MCFD2: variants seen among roughly 807,000 people sequenced by gnomAD.
The protein encoded by MCFD2 is multiple coagulation factor deficiency 2, ER cargo receptor complex subunit, also known as multiple coagulation factor deficiency protein 2.
In MCFD2, 11 loss-of-function variants were observed where a neutral mutation model predicts 12.8. The observed-to-expected ratio is 0.86, with a 90% CI of 0.54 to 1.42. The LOEUF is 1.42. Ranked by LOEUF, MCFD2 falls within the 40% of genes most tolerant of loss-of-function variation. MCFD2 has a pLI of 0.00. For synonymous variants in MCFD2, 70 were observed against 68.1 expected (o/e 1.03, Z -0.14); for missense variants, 191 against 178.6 (o/e 1.07, Z -0.40).
At position 46,909,056 on chromosome 2, in the gene MCFD2, A is replaced by G; in HGVS notation, c.116T>C (p.Met39Thr). ...PAASFSQPGS[M>T]GLDKNTVHDQ... ...GTGCACTGTGTTCTTATCCAGGCCC[A>G]TGCTGCCGGGTTGGGAGAAGCTGGC... Residue 39 changes from methionine (M) to threonine (T), a missense_variant, in exon 2 of 4, where the codon ATG becomes ACG. Coordinates refer to ENST00000319466, the MANE Select transcript of MCFD2 (RefSeq NM_139279.6). 6.2e-7 allele frequency: 1 copy of G among 1,614,216 alleles called. No homozygotes were observed. Among genetic ancestry groups the G allele is most frequent in the South Asian group, 1.1e-5 (1 of 91,084 alleles).
chr2:46,927,884 GTTTTTTTTTTTT>G (rs566447236), intron 1 of MCFD2, among the ~76,000 whole-genome samples: 5 of 73,306 alleles, frequency 6.8e-5, no homozygotes, highest in East Asian at 3.8e-4. Flanking sequence ...TTTTTTTGGT[GTTTTTTTTTTTT>G]TTTTTTTTTT....
chr2:46,930,157 T>C (rs958604852), intron 1 of MCFD2, among the ~76,000 whole-genome samples: 1 of 152,096 alleles, frequency 6.6e-6, no homozygotes, highest in Admixed American at 6.6e-5. Context: ...AATGAAATAA[T>C]AAAGATAACA....
intron 1 of MCFD2, among the ~76,000 whole-genome samples, chr2:46,921,412 G>A (rs1572633620): frequency 6.6e-6 from 1 of 152,140 alleles, no homozygotes; most frequent in African/African-American, 2.4e-5. Flanking sequence ...TAGCATCCCA[G>A]AACATGAAAT....
chr2:46,931,905 A>C (rs72806517), intron 1 of MCFD2, among the ~76,000 whole-genome samples: 300 of 152,312 alleles, frequency 2.0e-3, no homozygotes, highest in Middle Eastern at 3.4e-3. Flanking sequence ...AAGCAATAGG[A>C]AATTAATACA....
Position 46,905,429 on chromosome 2 carries a change from A to G in MCFD2, c.*34T>C, listed in dbSNP as rs373036686. The G allele has an allele frequency of 1.2e-6, 2 of 1,611,128 alleles. No homozygotes were observed. The highest frequency in any genetic ancestry group is 1.7e-6 in the Non-Finnish European group (2 of 1,179,156). On this transcript the variant is annotated 3_prime_UTR_variant, in exon 4 of 4. Coordinates refer to ENST00000319466, the MANE Select transcript of MCFD2 (RefSeq NM_139279.6). The stretch of plus-strand genomic sequence containing the variant: ...GTTCAATCACATTATCACGGGTCAC[A>G]TTTGTATATAACCAGGAGATGGCCA...
At chr2:46,923,591 T>G (rs1026273863) in intron 1 of MCFD2, among the ~76,000 whole-genome samples, 1 of 152,172 alleles carries the variant, frequency 6.6e-6, no homozygotes, top group African/African-American at 2.4e-5. Flanking sequence ...TGTTGCAGTC[T>G]CCATTAAAAC....
In MCFD2 at chr2:46,905,360, G is replaced by T; in HGVS notation, c.*103C>A. 1.5e-6 allele frequency: 2 copies of T among 1,308,906 alleles called. No individual in the cohort carries two copies. Among genetic ancestry groups the T allele is most frequent in the Non-Finnish European group, 2.2e-6 (2 of 906,712 alleles). The allele number at this position is 1,308,906 out of a possible 1,614,324, so 81.1% of individuals were successfully genotyped here. Reference sequence around the variant, plus strand: ...AATCGCTACAGGTTTTTACCAAAATGCTGCAGCAGTAGTTGGAAATGAGTT... The same window carrying T: ...AATCGCTACAGGTTTTTACCAAAATTCTGCAGCAGTAGTTGGAAATGAGTT... On this transcript the variant is annotated 3_prime_UTR_variant, in exon 4 of 4. Coordinates refer to ENST00000319466, the MANE Select transcript of MCFD2 (RefSeq NM_139279.6).
At position 46,941,635 on chromosome 2, in the gene MCFD2, C is replaced by T. The variant is rs144050892; in HGVS notation, c.-71G>A. 2.8e-5 allele frequency: 43 copies of T among 1,554,222 alleles called. No individual in the cohort carries two copies. In the Admixed American group the frequency reaches 8.3e-4, roughly 30 times the overall value. On this transcript the variant is annotated 5_prime_UTR_variant, in exon 1 of 3. Transcript: ENST00000409147. This position sits in a 1 kb window ranked among gnomAD's most constrained non-coding sequence, Gnocchi z 4.2. Reference sequence around the variant, plus strand: ...GGGCCACTGGGACCGCATGCCGGAGCTGGTCCGGCAGCTGCAGACGCTGAG... The same window carrying T: ...GGGCCACTGGGACCGCATGCCGGAGTTGGTCCGGCAGCTGCAGACGCTGAG...
In MCFD2 at chr2:46,908,263, AC is replaced by A; in HGVS notation, c.150-295del. 4.7e-6 allele frequency: 2 copies of A among 422,144 alleles called. No homozygotes were observed. Among genetic ancestry groups the A allele is most frequent in the South Asian group, 4.5e-5 (2 of 44,452 alleles). The allele number at this position is 422,144 out of a possible 1,614,324, so 26.1% of individuals were successfully genotyped here. On this transcript the variant is annotated intron_variant, in intron 2 of 3. Coordinates refer to ENST00000319466, the MANE Select transcript of MCFD2 (RefSeq NM_139279.6). The surrounding 1 kb of genome is among the most constrained non-coding windows in gnomAD (Gnocchi z 4.5). The stretch of plus-strand genomic sequence containing the variant: ...TCAATTTAAAAATATGTCCTTTAAA[AC>A]TTTTTTTTTTTTTTGAGACAGGGTC...
chr2:46,919,860 C>G (rs1475300142), upstream of MCFD2, among the ~76,000 whole-genome samples: 1 of 152,234 alleles, frequency 6.6e-6, no homozygotes, highest in Non-Finnish European at 1.5e-5. Context: ...CTCTATCACC[C>G]TTGCATTGGA....
At position 46,909,446 on chromosome 2, in the gene MCFD2, A is replaced by AGATT. The variant is rs1321446894; in HGVS notation, c.-6-273_-6-270dup. On this transcript the variant is annotated intron_variant, in intron 1 of 3. Coordinates refer to ENST00000319466, the MANE Select transcript of MCFD2 (RefSeq NM_139279.6). ...CACGTGAAAGCTTGAAGGGACTGGA[A>AGATT]GATTATTCTTGCCTCCCAGAAGTTA... Among the ~76,000 whole-genome samples the AGATT allele has an allele frequency of 2.0e-5, 3 of 152,338 alleles. No individual in the cohort carries two copies. The East Asian group carries it at 5.8e-4, about 29-fold the overall frequency.
intron 1 of MCFD2, among the ~76,000 whole-genome samples, chr2:46,934,537 T>G (rs925334913): frequency 4.6e-5 from 7 of 151,990 alleles, no homozygotes; most frequent in Admixed American, 4.6e-4. Flanking sequence ...ACCTCCCAAA[T>G]TGCTGGCATT....
At chr2:46,916,153 C>G (rs894503497), upstream of MCFD2, 6 of 985,436 alleles carry the variant, frequency 6.1e-6, no homozygotes, top group African/African-American at 1.0e-4. Context: ...ACTCCGCTCA[C>G]CCCCTCCTAT....
At chr2:46,914,430 C>T (rs984604137) in intron 1 of MCFD2, among the ~76,000 whole-genome samples, 1 of 152,200 alleles carries the variant, frequency 6.6e-6, no homozygotes, top group African/African-American at 2.4e-5. Context: ...TGTCATGGTC[C>T]TGGAATGAAG....
At chr2:46,915,892 G>A (rs1668750567), upstream of MCFD2, 1 of 982,390 alleles carries the variant, frequency 1.0e-6, no homozygotes, top group Non-Finnish European at 1.2e-6. Flanking sequence ...CCCTCCCGCT[G>A]GCGGCGGCGG....
chr2:46,916,254 C>G (rs906750356), upstream of MCFD2: 1 of 823,612 alleles, frequency 1.2e-6, no homozygotes, highest in Non-Finnish European at 1.5e-6. Flanking sequence ...GATGAAACGA[C>G]CACAACACGC....
intron 3 of MCFD2, 103 bp from the exon 4 acceptor site, chr2:46,905,697 A>T (rs1668195012): frequency 7.7e-6 from 4 of 517,680 alleles, no homozygotes; most frequent in East Asian, 7.7e-5. Context: ...CTGTTTATTA[A>T]AAAAAAAAAA....
upstream of MCFD2, among the ~76,000 whole-genome samples, chr2:46,918,502 G>A (rs1262678872): frequency 6.6e-6 from 1 of 152,178 alleles, no homozygotes; most frequent in Non-Finnish European, 1.5e-5. Context: ...TTTTATAGGT[G>A]GGTGTTCTGT....
At chr2:46,912,893 T>G (rs1341710689) in intron 1 of MCFD2, among the ~76,000 whole-genome samples, 1 of 152,216 alleles carries the variant, frequency 6.6e-6, no homozygotes, top group Non-Finnish European at 1.5e-5. Flanking sequence ...TGCTGCCAAT[T>G]TTTAATGTCA....
Sources: allele counts gnomAD v4.1 joint callset (sites outside exome capture counted in the v4.1 genomes callset), GRCh38; gene constraint gnomAD v4.1.1; non-coding constraint Gnocchi (gnomAD v3.1); transcripts MANE v1.5; gene names NCBI Gene and HGNC (gene_info 2026-07-23, HGNC 2026-07-21).